The following FARP1 variants were observed in gnomAD, a reference collection of about 807,000 sequenced individuals.
FARP1 encodes FERM, ARHGEF and pleckstrin domain-containing protein 1.
Under a neutral mutation model 128.8 loss-of-function variants are expected in FARP1, and 52 were observed. The ratio of observed to expected loss-of-function variants is 0.40; its 90% CI spans 0.32 to 0.51. FARP1 has a LOEUF of 0.51. Ranked by LOEUF, FARP1 falls within the 20% of genes least tolerant of loss-of-function variation. The probability of loss-of-function intolerance (pLI) is 0.45; values close to 1 mark genes in which losing one functional copy is unlikely to be tolerated. For missense variants in FARP1, 1,333 were observed against 1,367.9 expected, an observed-to-expected ratio of 0.97 and a Z score of 0.40; for synonymous variants, 580 against 551.8, an observed-to-expected ratio of 1.05 and a Z score of -0.72.
intron 16 of FARP1, among the ~76,000 whole-genome samples, chr13:98,417,014 G>C (rs1274091711): frequency 6.6e-6 from 1 of 152,188 alleles, no homozygotes; most frequent in East Asian, 1.9e-4. Flanking sequence ...ACTGAATGTC[G>C]AGATATCACT....
intron 2 of FARP1, among the ~76,000 whole-genome samples, chr13:98,321,424 G>T (rs188262933): frequency 6.6e-6 from 1 of 152,190 alleles, no homozygotes; most frequent in African/African-American, 2.4e-5. Context: ...TCTGAAAAAG[G>T]TTCTAAGAAT....
chr13:98,190,541 A>G (rs1464147448), intron 1 of FARP1, among the ~76,000 whole-genome samples: 2 of 151,356 alleles, frequency 1.3e-5, no homozygotes, highest in Admixed American at 1.3e-4. Context: ...GGTAATAAGC[A>G]TCAGATGACA....
In FARP1 at chr13:98,377,897, T is replaced by C. The variant is rs374106940; in HGVS notation, c.475T>C (p.Leu159=). ...LTCNDTSAAL[L]ISHIVQSEIG... is the part of the protein sequence containing the mutation. ...GTGTAATGACACCAGCGCAGCTCTC[T>C]TGATTTCACACATTGTGCAATGTAA... is the stretch of plus-strand genomic sequence containing the variant. The change falls in exon 6 of 27, where the codon TTG becomes CTG. Residue 159 remains leucine, a synonymous_variant. Transcript: ENST00000319562. The C allele has an allele frequency of 1.5e-5, 24 of 1,612,938 alleles. No individual in the cohort carries two copies. The highest frequency in any genetic ancestry group is 3.3e-5 in the Admixed American group (2 of 60,000).
chr13:98,360,773 A>C (rs675471), intron 3 of FARP1, among the ~76,000 whole-genome samples: 5,202 of 152,286 alleles, frequency 0.034, 299 homozygotes, highest in African/African-American at 0.12. Context: ...CTAGAGGTCC[A>C]TTCATTTCAG....
chr13:98,397,182 A>C (rs1890581552), intron 13 of FARP1: 1 of 152,322 alleles, frequency 6.6e-6, no homozygotes, highest in Admixed American at 6.5e-5. Flanking sequence ...TTAGGTTTGC[A>C]TTGGTGGATC....
chr13:98,314,276 T>C (rs1241781644), intron 2 of FARP1, among the ~76,000 whole-genome samples: 2 of 4,384 alleles, frequency 4.6e-4, no homozygotes, highest in African/African-American at 1.3e-3. Flanking sequence ...TTTTATGTCT[T>C]TTTTTTTTTT....
At chr13:98,297,878 C>T (rs1403452210) in intron 2 of FARP1, among the ~76,000 whole-genome samples, 1 of 152,126 alleles carries the variant, frequency 6.6e-6, no homozygotes, top group Non-Finnish European at 1.5e-5. Flanking sequence ...TGAATAAGTT[C>T]CTTGTCATGT....
At chr13:98,442,043 AAGCTGCCCT>A (rs1892545078) in intron 24 of FARP1, among the ~76,000 whole-genome samples, 2 of 152,172 alleles carry the variant, frequency 1.3e-5, no homozygotes, top group African/African-American at 4.8e-5. Flanking sequence ...CTGGCAGTGG[AAGCTGCCCT>A]GAGCTGGGGC....
intron 3 of FARP1, among the ~76,000 whole-genome samples, chr13:98,360,730 C>T (rs982939093): frequency 3.9e-5 from 6 of 152,166 alleles, no homozygotes; most frequent in Non-Finnish European, 8.8e-5. Flanking sequence ...GCAGGTGCAT[C>T]TTTGAATCCT....
intron 1 of FARP1, among the ~76,000 whole-genome samples, chr13:98,169,595 A>G (rs1393582998): frequency 1.3e-5 from 2 of 152,220 alleles, no homozygotes; most frequent in Non-Finnish European, 2.9e-5. Context: ...ACTTTAAGGC[A>G]TGCTTAGATT....
intron 1 of FARP1, among the ~76,000 whole-genome samples, chr13:98,168,893 G>A (rs963293768): frequency 6.6e-6 from 1 of 152,148 alleles, no homozygotes; most frequent in African/African-American, 2.4e-5. Context: ...CTCAACCCCC[G>A]CTGGACTCAC....
chr13:98,419,481 A>ACACAC (rs1555294275), intron 16 of FARP1, among the ~76,000 whole-genome samples: 2 of 64,858 alleles, frequency 3.1e-5, no homozygotes, highest in Non-Finnish European at 5.8e-5. Flanking sequence ...TCCAAAAAAA[A>ACACAC]ATACACACAC....
intron 13 of FARP1, chr13:98,402,826 T>C (rs1167201465): frequency 2.0e-5 from 3 of 152,160 alleles, no homozygotes; most frequent in Non-Finnish European, 4.4e-5. Flanking sequence ...GTGTGTATAT[T>C]TAATACTGTA....
chr13:98,244,751 A>G lies in FARP1; in HGVS notation c.171+31338A>G, dbSNP rs773094598. 10 of 1,555,556 alleles carry G rather than the reference A, an allele frequency of 6.4e-6. No homozygotes were observed. The South Asian group carries it at 1.0e-4, about 16-fold the overall frequency. On this transcript the variant is annotated intron_variant, in intron 2 of 26. Transcript: ENST00000319562. ...CTGTTTCATTATTTCATTCAAAGAA[A>G]TTGATTGGCAATGGCCAGAGTTAAA...
intron 2 of FARP1, among the ~76,000 whole-genome samples, chr13:98,260,749 C>T (rs1435503355): frequency 3.9e-5 from 6 of 152,178 alleles, no homozygotes; most frequent in South Asian, 2.1e-4. Context: ...TGGCTTTAGC[C>T]ACTCTGTCCT....
intron 2 of FARP1, chr13:98,245,158 G>T (rs1882990251): frequency 2.0e-6 from 2 of 991,504 alleles, no homozygotes; most frequent in South Asian, 4.6e-5. Flanking sequence ...TCCTGAAAGG[G>T]TTTAGTTTTT....
chr13:98,368,770 AC>A (rs766604041), intron 5 of FARP1, among the ~76,000 whole-genome samples: 2 of 152,152 alleles, frequency 1.3e-5, no homozygotes, highest in African/African-American at 2.4e-5. Flanking sequence ...GCAGTATTAT[AC>A]TAGAGTAGCT....
At chr13:98,400,552 C>T (rs188593849) in intron 13 of FARP1, 79 of 152,300 alleles carry the variant, frequency 5.2e-4, no homozygotes, top group African/African-American at 1.8e-3. Context: ...TACAGGCAGA[C>T]CCAGTCTTAA....
chr13:98,395,735 G>T, intron 13 of FARP1: 1 of 424,562 alleles, frequency 2.4e-6, no homozygotes, highest in Non-Finnish European at 4.1e-6. Flanking sequence ...CCTCCTTCCG[G>T]AGAATTCCTT....
Sources: gnomAD v4.1 joint callset for allele counts (sites outside exome capture counted in the v4.1 genomes callset) on GRCh38, gnomAD v4.1.1 for gene constraint, MANE v1.5 for transcripts, NCBI Gene and HGNC (gene_info 2026-07-23, HGNC 2026-07-21) for gene names.